ERAP1: variants seen among roughly 807,000 people sequenced by gnomAD.
The protein encoded by ERAP1 is endoplasmic reticulum aminopeptidase 1.
Under a neutral mutation model 103.7 loss-of-function variants are expected in ERAP1, and 86 were observed. That is an observed-to-expected ratio of 0.83 (90% confidence interval 0.70 to 0.99). The LOEUF is 0.99. ERAP1 is among the 50% of genes least tolerant of loss of function. The pLI is 0.00. For missense variants in ERAP1, 1,009 were observed against 1,128.4 expected, an observed-to-expected ratio of 0.89 and a Z score of 1.52; for synonymous variants, 398 against 402.4, an observed-to-expected ratio of 0.99 and a Z score of 0.13.
chr5:96,838,440 A>G, the ERAP1 span, among the ~76,000 whole-genome samples: 1 of 152,174 alleles, frequency 6.6e-6, no homozygotes, highest in African/African-American at 2.4e-5. Flanking sequence ...TTTTGATAAC[A>G]TGGTGGTTCA....
At position 96,776,523 on chromosome 5, in the gene ERAP1, T is replaced by C; in HGVS notation, c.2699A>G (p.Glu900Gly). The C allele has an allele frequency of 6.2e-7, 1 of 1,614,130 alleles. No individual in the cohort carries two copies. ...EVKGFFSSLK[E>G]NGSQLRCVQQ... ...GACACAACGGAGCTGAGAACCATTT[T>C]CTTTCAAAGAGCTGAAGAATCCTTT... Residue 900 changes from glutamate to glycine, a missense_variant, in exon 19 of 19, where the codon GAA becomes GGA. Physicochemically the swap from Glu to Gly is moderately conservative, Grantham distance 98 (BLOSUM62 -2). This residue lies in a region of ERAP1 where 611 missense variants were observed against 651.7 expected (regional missense o/e 0.94). Coordinates refer to ENST00000443439, the MANE Select transcript of ERAP1 (RefSeq NM_001040458.3).
At chr5:96,925,696 T>G in the ERAP1 span, among the ~76,000 whole-genome samples, 1 of 152,192 alleles carries the variant, frequency 6.6e-6, no homozygotes, top group East Asian at 1.9e-4. Flanking sequence ...GAGTGAAGAT[T>G]TCTTTCTAAG....
At chr5:96,912,148 G>A in the ERAP1 span, among the ~76,000 whole-genome samples, 840 of 138,730 alleles carry the variant, frequency 6.1e-3, 5 homozygotes, top group Non-Finnish European at 9.6e-3. Flanking sequence ...CCCAGATCGC[G>A]CCACTGCACT....
At chr5:96,876,026 G>A in the ERAP1 span, 1 of 152,410 alleles carries the variant, frequency 6.6e-6, no homozygotes, top group Non-Finnish European at 1.5e-5. Context: ...GGTGGTTACA[G>A]ACATGGAAAA....
the ERAP1 span, among the ~76,000 whole-genome samples, chr5:96,816,146 A>G: frequency 6.6e-6 from 1 of 152,188 alleles, no homozygotes; most frequent in Admixed American, 6.5e-5. Context: ...GATCCTAGAA[A>G]AACTATTGGA....
rs1561653428 is a variant in ERAP1 at position 96,774,986 on chromosome 5, T to G, written c.*1410A>C. 1 of 985,474 alleles carries G rather than the reference T, an allele frequency of 1.0e-6. No individual in the cohort carries two copies. The highest frequency in any genetic ancestry group is 1.7e-5 in the African/African-American group (1 of 57,238). The allele number at this position is 985,474 out of a possible 1,614,324, so 61.0% of individuals were successfully genotyped here. Reference sequence around the variant, plus strand: ...TATTCAAAAAGTTCAGTTTGAATTCTCCTTTGCCAGGTGTGAGGATTTCCG... The same window carrying G: ...TATTCAAAAAGTTCAGTTTGAATTCGCCTTTGCCAGGTGTGAGGATTTCCG... On this transcript the variant is annotated 3_prime_UTR_variant, in exon 19 of 19. Transcript: ENST00000443439.
chr5:96,805,833 T>C (rs1424861806), intron 1 of ERAP1: 1 of 152,238 alleles, frequency 6.6e-6, no homozygotes, highest in Non-Finnish European at 1.5e-5. Flanking sequence ...GGTTCAAGCA[T>C]GTAAGGACTC....
Position 96,803,389 on chromosome 5 carries a change from A to T in ERAP1, c.524+14T>A. ...AGCACTTGCAGTTTAAAAGAAAAAG[A>T]GAAAAAAAAATACCTCAGTTCCCCT... On this transcript the variant is annotated intron_variant, in intron 2 of 18. Transcript: ENST00000443439. 1.2e-6 allele frequency: 2 copies of T among 1,611,376 alleles called. No homozygotes were observed. Among genetic ancestry groups the T allele is most frequent in the Non-Finnish European group, 1.7e-6 (2 of 1,178,620 alleles).
downstream of ERAP1, chr5:96,772,325 T>C (rs1772715148): frequency 6.5e-6 from 1 of 153,488 alleles, no homozygotes; most frequent in Non-Finnish European, 1.5e-5. Context: ...GAGGGCTTAA[T>C]GTAAGCCTTA....
At chr5:96,857,153 G>A in the ERAP1 span, among the ~76,000 whole-genome samples, 178 of 152,268 alleles carry the variant, frequency 1.2e-3, no homozygotes, top group African/African-American at 4.2e-3. Context: ...CTCTTTGCCA[G>A]GCTAACTGCT....
At chr5:96,826,261 T>C in the ERAP1 span, among the ~76,000 whole-genome samples, 3 of 152,380 alleles carry the variant, frequency 2.0e-5, no homozygotes, top group South Asian at 6.2e-4. Context: ...GAAGCTACTA[T>C]GGTACATTAA....
At chr5:96,837,612 G>T in the ERAP1 span, among the ~76,000 whole-genome samples, 1 of 152,194 alleles carries the variant, frequency 6.6e-6, no homozygotes, top group Non-Finnish European at 1.5e-5. Flanking sequence ...GTCTAGGGAG[G>T]TACCTGCAAC....
At chr5:96,875,334 A>T in the ERAP1 span, among the ~76,000 whole-genome samples, 2 of 152,098 alleles carry the variant, frequency 1.3e-5, no homozygotes, top group Admixed American at 1.3e-4. Context: ...TAGGAGTTTG[A>T]GACCAGCCTG....
the ERAP1 span, chr5:96,909,755 G>A: frequency 7.4e-6 from 12 of 1,613,756 alleles, no homozygotes; most frequent in South Asian, 3.3e-5. Context: ...GAATCCAGTG[G>A]AAAATTAAAG....
chr5:96,843,200 C>G, the ERAP1 span, among the ~76,000 whole-genome samples: 3 of 152,178 alleles, frequency 2.0e-5, no homozygotes, highest in Non-Finnish European at 4.4e-5. Flanking sequence ...GCTCAAACGC[C>G]TAGTTACAGA....
chr5:96,810,428 A>AT (rs1779085887), upstream of ERAP1, among the ~76,000 whole-genome samples: 1 of 152,236 alleles, frequency 6.6e-6, no homozygotes, highest in Non-Finnish European at 1.5e-5. Flanking sequence ...TGTGTTTATA[A>AT]TTTGATCTCT....
At position 96,793,532 on chromosome 5, in the gene ERAP1, C is replaced by T; in HGVS notation, c.1075-19G>A. ...CAAACCACTAAAAGCACAACATAAGCCATAAACAAAGACACTCAGAAAGAA... is the reference window on the plus strand; with the variant it reads ...CAAACCACTAAAAGCACAACATAAGTCATAAACAAAGACACTCAGAAAGAA... On this transcript the variant is annotated intron_variant, in intron 6 of 18. Coordinates refer to ENST00000443439, the MANE Select transcript of ERAP1 (RefSeq NM_001040458.3). The T allele has an allele frequency of 6.4e-7, 1 of 1,566,216 alleles. No homozygotes were observed.
At chr5:96,922,020 C>T in the ERAP1 span, among the ~76,000 whole-genome samples, 1 of 152,170 alleles carries the variant, frequency 6.6e-6, no homozygotes, top group African/African-American at 2.4e-5. Flanking sequence ...TTTTCTAGGC[C>T]GGGCGCGGTG....
At chr5:96,902,425 G>A in the ERAP1 span, 2 of 886,068 alleles carry the variant, frequency 2.3e-6, no homozygotes, top group African/African-American at 1.7e-5. Flanking sequence ...TTGAAGGAAC[G>A]ATACAATAAG....
Sources: gnomAD v4.1 joint callset for allele counts (sites outside exome capture counted in the v4.1 genomes callset) on GRCh38, gnomAD v4.1.1 for gene constraint, gnomAD v4.1.1 regional missense constraint, MANE v1.5 for transcripts, NCBI Gene and HGNC (gene_info 2026-07-23, HGNC 2026-07-21) for gene names.